The following CATSPERD variants were observed in gnomAD, a reference collection of about 807,000 sequenced individuals.
CATSPERD encodes the protein cation channel sperm-associated auxiliary subunit delta.
A neutral mutation model predicts 98.1 loss-of-function variants in CATSPERD; 86 were observed. The ratio of observed to expected loss-of-function variants is 0.88; its 90% CI spans 0.74 to 1.05. CATSPERD has a LOEUF of 1.05. CATSPERD is among the 50% of genes least tolerant of loss of function. CATSPERD has a pLI of 0.00. For missense variants in CATSPERD, 995 were observed against 1,005.7 expected, an observed-to-expected ratio of 0.99 and a Z score of 0.14; for synonymous variants, 394 against 390.2, an observed-to-expected ratio of 1.01 and a Z score of -0.12.
chr19:5,756,296 T>A (rs1418044928), intron 13 of CATSPERD, among the ~76,000 whole-genome samples: 6 of 142,594 alleles, frequency 4.2e-5, no homozygotes, highest in East Asian at 2.0e-4. Flanking sequence ...AAAAAAAAAA[T>A]TAAATAAATA....
At position 5,770,951 on chromosome 19, in the gene CATSPERD, T is replaced by G; in HGVS notation, c.1642T>G (p.Tyr548Asp). Residue 548 changes from tyrosine (Y) to aspartate (D), a missense_variant, in exon 19 of 22, where the codon TAC becomes GAC. By Grantham distance (160) the Tyr-to-Asp change is radical (BLOSUM62 -3). Coordinates refer to ENST00000381624, the MANE Select transcript of CATSPERD (RefSeq NM_152784.4). ...NYSFIIEKEF[Y>D]DPGFQGQQSS... is the part of the protein sequence containing the mutation. ...CTTCTTGGTGTCTTGAAGGGAATTC[T>G]ACGACCCCGGCTTCCAGGGGCAGCA... 4 of 1,608,062 alleles carry G rather than the reference T, an allele frequency of 2.5e-6. No individual in the cohort carries two copies. The highest frequency in any genetic ancestry group is 3.4e-6 in the Non-Finnish European group (4 of 1,177,392).
chr19:5,762,103 G>T (rs549572657), intron 15 of CATSPERD, among the ~76,000 whole-genome samples: 1 of 102,102 alleles, frequency 9.8e-6, no homozygotes, highest in East Asian at 3.1e-4. Flanking sequence ...TCACTCTGTC[G>T]CCCAGGCTGG....
chr19:5,758,067 T>C (rs550761565), intron 14 of CATSPERD, 135 bp downstream of exon 14: 7 of 662,230 alleles, frequency 1.1e-5, no homozygotes, highest in Non-Finnish European at 1.7e-5. Flanking sequence ...GGGAAGATGA[T>C]CAGGCAGCCG....
At chr19:5,743,701 T>G (rs1376080901) in intron 7 of CATSPERD, among the ~76,000 whole-genome samples, 1 of 143,694 alleles carries the variant, frequency 7.0e-6, no homozygotes, top group Non-Finnish European at 1.5e-5. Flanking sequence ...TCTCTCTCTC[T>G]CTCTCTGTCT....
chr19:5,762,050 A>ATT (rs2056446349), intron 15 of CATSPERD, among the ~76,000 whole-genome samples: 1 of 20,038 alleles, frequency 5.0e-5, no homozygotes, highest in Non-Finnish European at 1.3e-4. Flanking sequence ...CCATATATAT[A>ATT]TATATATATT....
intron 18 of CATSPERD, among the ~76,000 whole-genome samples, chr19:5,769,405 A>C (rs1376599765): frequency 6.6e-6 from 1 of 152,072 alleles, no homozygotes; most frequent in African/African-American, 2.4e-5. Flanking sequence ...AGTACCATAA[A>C]TATGGCTCCA....
rs745922853 is a variant in CATSPERD, at chr19:5,724,771, A to G, written c.72-37A>G. On this transcript the variant is annotated intron_variant, in intron 1 of 21. Coordinates refer to ENST00000381624, the MANE Select transcript of CATSPERD (RefSeq NM_152784.4). ...TAGGAGGATTCATGCTGAATATTCA[A>G]TAAAAATTGACAGATGGTCTTTCTT... is the stretch of plus-strand genomic sequence containing the variant. 7 of 1,605,358 alleles carry G rather than the reference A, an allele frequency of 4.4e-6. No individual in the cohort carries two copies. In the East Asian group the frequency reaches 8.9e-5, roughly 20 times the overall value.
chr19:5,751,245 C>G (rs1313526651), intron 11 of CATSPERD, among the ~76,000 whole-genome samples: 1 of 126,212 alleles, frequency 7.9e-6, no homozygotes, highest in African/African-American at 2.8e-5. Flanking sequence ...AAAAAAAAGG[C>G]CTGGCGCGGT....
chr19:5,754,890 G>C (rs1002056938), intron 13 of CATSPERD, among the ~76,000 whole-genome samples: 1 of 150,624 alleles, frequency 6.6e-6, no homozygotes, highest in Non-Finnish European at 1.5e-5. Flanking sequence ...TGTCGCCCAG[G>C]CTGGAGTGCA....
At chr19:5,774,079 C>T (rs1440286444) in intron 20 of CATSPERD, among the ~76,000 whole-genome samples, 4 of 151,276 alleles carry the variant, frequency 2.6e-5, no homozygotes, top group Non-Finnish European at 4.4e-5. Flanking sequence ...GCAATTCTCC[C>T]GCCTCAGCCT....
At chr19:5,722,436 T>G (rs1487979914) in intron 1 of CATSPERD, among the ~76,000 whole-genome samples, 1 of 152,160 alleles carries the variant, frequency 6.6e-6, no homozygotes, top group Non-Finnish European at 1.5e-5. Flanking sequence ...CCTTATTTTA[T>G]AGATACGAAA....
intron 13 of CATSPERD, 69 bp downstream of exon 13, chr19:5,754,314 C>T: frequency 9.8e-7 from 1 of 1,018,238 alleles, no homozygotes; most frequent in Non-Finnish European, 1.5e-6. Context: ...CTCCCAGATT[C>T]TGGAAATCCC....
At chr19:5,742,568 G>T (rs2436537) in intron 7 of CATSPERD, among the ~76,000 whole-genome samples, 62,181 of 151,680 alleles carry the variant, frequency 0.41, 13,313 homozygotes, top group Non-Finnish European at 0.49. Flanking sequence ...GATCACTTGA[G>T]CTCAGGAGTT....
intron 12 of CATSPERD, among the ~76,000 whole-genome samples, chr19:5,752,798 C>T (rs1029096193): frequency 2.2e-4 from 34 of 151,734 alleles, no homozygotes; most frequent in African/African-American, 5.3e-4. Flanking sequence ...GAGGCCGAGG[C>T]GGGCGGATCA....
In CATSPERD at chr19:5,724,034, C is replaced by T. The variant is rs145485646; in HGVS notation, c.72-774C>T. ...TCTCGAAGTCCCAACCTCAGGTGAT[C>T]CACCCGCTTTGGCCTCCCAAAGTGC... is the stretch of plus-strand genomic sequence containing the variant. On this transcript the variant is annotated intron_variant, in intron 1 of 21. Coordinates refer to ENST00000381624, the MANE Select transcript of CATSPERD (RefSeq NM_152784.4). Among the ~76,000 whole-genome samples the T allele has an allele frequency of 3.7e-3, 557 of 152,182 alleles. 2 individuals carry two copies. Among genetic ancestry groups the T allele is most frequent in the Admixed American group, 9.2e-3 (141 of 15,270 alleles).
chr19:5,748,555 C>T (rs1401129133), intron 10 of CATSPERD, among the ~76,000 whole-genome samples: 11 of 139,434 alleles, frequency 7.9e-5, no homozygotes, highest in East Asian at 2.3e-4. Context: ...CGCTGGAACC[C>T]GGGAGGTGGA....
intron 6 of CATSPERD, among the ~76,000 whole-genome samples, chr19:5,738,565 CT>C (rs2055894730): frequency 1.3e-5 from 2 of 152,032 alleles, no homozygotes; most frequent in Admixed American, 1.3e-4. Flanking sequence ...AACTTAATTA[CT>C]AATAGCCTAC....
At chr19:5,750,104 G>A (rs892108075) in intron 11 of CATSPERD, among the ~76,000 whole-genome samples, 9 of 144,234 alleles carry the variant, frequency 6.2e-5, no homozygotes, top group Non-Finnish European at 9.1e-5. Context: ...GCGCCCGGCC[G>A]AAACTCTGTT....
At position 5,757,824 on chromosome 19, in the gene CATSPERD, T is replaced by G; in HGVS notation, c.1279-19T>G. 1 of 1,605,516 alleles carries G rather than the reference T, an allele frequency of 6.2e-7. No homozygotes were observed. ...CCTGCTGGCTCCGTACAGCCTGAGC[T>G]TCTCTCCCCCACTCCCAGGTGATGG... On this transcript the variant is annotated intron_variant, in intron 13 of 21. Coordinates refer to ENST00000381624, the MANE Select transcript of CATSPERD (RefSeq NM_152784.4).
Sources: gnomAD v4.1 joint callset for allele counts (sites outside exome capture counted in the v4.1 genomes callset) on GRCh38, gnomAD v4.1.1 for gene constraint, MANE v1.5 for transcripts, NCBI Gene and HGNC (gene_info 2026-07-23, HGNC 2026-07-21) for gene names.